The following MOCOS variants were observed in gnomAD, a reference collection of about 807,000 sequenced individuals.
The protein encoded by MOCOS is human molybdenum cofactor sulfurase.
MOCOS carries 86 observed loss-of-function variants against 83.6 expected under a neutral mutation model. The ratio of observed to expected loss-of-function variants is 1.03; its 90% CI spans 0.86 to 1.23. The LOEUF (loss-of-function observed/expected upper bound fraction) is 1.23, where lower values mean the gene tolerates loss of function less well. Ranked by LOEUF, MOCOS falls within the 50% of genes most tolerant of loss-of-function variation. The pLI is 0.00. For synonymous variants in MOCOS, 445 were observed against 434.7 expected, an observed-to-expected ratio of 1.02 and a Z score of -0.29; for missense variants, 1,120 against 1,126.9, an observed-to-expected ratio of 0.99 and a Z score of 0.09.
At position 36,271,640 on chromosome 18, in the gene MOCOS, A is replaced by C. The variant is rs1474412408; in HGVS notation, c.*2955A>C. ...AAACCTTGGTGTTAGAGTCACAAAAAGTCCTTTTTTAAAAAAACTTGGTGA... is the reference window on the plus strand; with the variant it reads ...AAACCTTGGTGTTAGAGTCACAAAACGTCCTTTTTTAAAAAAACTTGGTGA... On this transcript the variant is annotated 3_prime_UTR_variant, in exon 15 of 15. Coordinates refer to ENST00000261326, the MANE Select transcript of MOCOS (RefSeq NM_017947.4). 6.6e-6 allele frequency: 1 copy of C among 152,180 alleles called. No homozygotes were observed. The highest frequency in any genetic ancestry group is 1.5e-5 in the Non-Finnish European group (1 of 68,030). 9.4% of individuals were successfully genotyped at this position (152,180 alleles called of 1,614,324 possible).
intron 7 of MOCOS, among the ~76,000 whole-genome samples, chr18:36,213,685 T>G (rs1001825132): frequency 6.6e-6 from 1 of 152,102 alleles, no homozygotes; most frequent in African/African-American, 2.4e-5. Flanking sequence ...TCCCAGCACT[T>G]TGGGAGGCCG....
Position 36,260,162 on chromosome 18 carries a change from C to T in MOCOS, c.2396C>T (p.Ser799Phe), listed in dbSNP as rs1323190068. 2 of 1,614,024 alleles carry T rather than the reference C, an allele frequency of 1.2e-6. No homozygotes were observed. The highest frequency in any genetic ancestry group is 1.3e-5 in the African/African-American group (1 of 74,918). Residue 799 changes from serine to phenylalanine, a missense_variant, in exon 13 of 15, where the codon TCT becomes TTT. By Grantham distance (155) the Ser-to-Phe change is radical (BLOSUM62 -2). Coordinates refer to ENST00000261326, the MANE Select transcript of MOCOS (RefSeq NM_017947.4). ...AAATGGGATGAGATTTCAATTGGCT[C>T]TTTGCGTTTCCAGGTAAGTTTGGGG... ...EEKWDEISIG[S>F]LRFQVLGPCH...
At chr18:36,254,458 CTGTGTGTGTGTGTGTG>C (rs60813321) in intron 11 of MOCOS, among the ~76,000 whole-genome samples, 12 of 138,952 alleles carry the variant, frequency 8.6e-5, no homozygotes, top group South Asian at 2.5e-4. Flanking sequence ...TACATTATCT[CTGTGTGTGTGTGTGTG>C]TGTGTGTGTG....
intron 12 of MOCOS, among the ~76,000 whole-genome samples, chr18:36,258,340 C>T (rs2091650287): frequency 6.6e-6 from 1 of 152,162 alleles, no homozygotes; most frequent in African/African-American, 2.4e-5. Flanking sequence ...CACATGTTAA[C>T]CATGATAGCT....
intron 13 of MOCOS, among the ~76,000 whole-genome samples, chr18:36,264,313 G>T (rs1044254379): frequency 2.0e-5 from 3 of 152,132 alleles, no homozygotes; most frequent in Non-Finnish European, 4.4e-5. Context: ...CTGTCGGGTG[G>T]CTGCTAGAGG....
At chr18:36,254,923 G>A (rs777025776) in intron 11 of MOCOS, among the ~76,000 whole-genome samples, 3 of 151,696 alleles carry the variant, frequency 2.0e-5, no homozygotes, top group East Asian at 3.9e-4. Context: ...ATGGGGTTTC[G>A]CCATGTTGCC....
intron 10 of MOCOS, among the ~76,000 whole-genome samples, chr18:36,250,879 C>G (rs1428505223): frequency 6.6e-6 from 1 of 152,106 alleles, no homozygotes; most frequent in African/African-American, 2.4e-5. Flanking sequence ...TCTAAGCATT[C>G]TAAGCTTTGT....
chr18:36,194,887 G>A (rs1195228837), intron 1 of MOCOS, among the ~76,000 whole-genome samples: 2 of 152,234 alleles, frequency 1.3e-5, no homozygotes, highest in African/African-American at 2.4e-5. Context: ...AGTAGGATCA[G>A]GGCTCTCCCC....
chr18:36,216,042 G>A, intron 8 of MOCOS, 65 bp downstream of exon 8: 1 of 1,464,398 alleles, frequency 6.8e-7, no homozygotes, highest in South Asian at 1.2e-5. Flanking sequence ...TTTTGATAAA[G>A]TGAAGAAAAG....
At chr18:36,253,612 G>A (rs1219504273) in intron 11 of MOCOS, among the ~76,000 whole-genome samples, 3 of 151,522 alleles carry the variant, frequency 2.0e-5, no homozygotes, top group Non-Finnish European at 4.4e-5. Context: ...GTTGCAGTGA[G>A]CCAAGACCAC....
chr18:36,193,725 CAA>C (rs1343824911), intron 1 of MOCOS, among the ~76,000 whole-genome samples: 1 of 152,086 alleles, frequency 6.6e-6, no homozygotes, highest in Non-Finnish European at 1.5e-5. Flanking sequence ...CATAAATAGA[CAA>C]ATTGGATTTT....
At chr18:36,193,878 A>G (rs2091376406) in intron 1 of MOCOS, among the ~76,000 whole-genome samples, 1 of 152,272 alleles carries the variant, frequency 6.6e-6, no homozygotes, top group Non-Finnish European at 1.5e-5. Context: ...AATACACAAA[A>G]GTGGAAACAA....
chr18:36,204,319 T>G (rs1484288817), intron 5 of MOCOS, among the ~76,000 whole-genome samples: 1 of 152,218 alleles, frequency 6.6e-6, no homozygotes, highest in Non-Finnish European at 1.5e-5. Flanking sequence ...AGTAGAATCA[T>G]ACGACATTTG....
At chr18:36,212,753 C>T (rs1044940066) in intron 6 of MOCOS, among the ~76,000 whole-genome samples, 10 of 152,154 alleles carry the variant, frequency 6.6e-5, no homozygotes, top group Non-Finnish European at 1.0e-4. Context: ...GAGAAAAATT[C>T]AAAGGCTCAC....
At chr18:36,259,970 AATT>A (rs2091657476) in intron 12 of MOCOS, 64 bp from the exon 13 acceptor site, 1 of 1,595,866 alleles carries the variant, frequency 6.3e-7, no homozygotes, top group Admixed American at 1.7e-5. Context: ...AGGCATGATG[AATT>A]ATTATAGTGG....
intron 12 of MOCOS, among the ~76,000 whole-genome samples, chr18:36,258,750 ACGGCTATG>A: frequency 6.6e-6 from 1 of 152,358 alleles, no homozygotes; most frequent in Non-Finnish European, 1.5e-5. Flanking sequence ...ACAGATGTAT[ACGGCTATG>A]CTCCATCATT....
chr18:36,189,889 C>G (rs2091358212), intron 1 of MOCOS: 1 of 152,172 alleles, frequency 6.6e-6, no homozygotes, highest in Non-Finnish European at 1.5e-5. Flanking sequence ...AACCTTTGTC[C>G]CATCTGCAGA....
intron 6 of MOCOS, among the ~76,000 whole-genome samples, chr18:36,212,624 T>C (rs1454759402): frequency 2.6e-5 from 4 of 152,104 alleles, no homozygotes; most frequent in Non-Finnish European, 5.9e-5. Context: ...CCAGAGGAGA[T>C]GGCCAAAGTG....
Position 36,268,764 on chromosome 18 carries a change from T to C in MOCOS, c.*79T>C. On this transcript the variant is annotated 3_prime_UTR_variant, in exon 15 of 15. Transcript: ENST00000261326. ...GATCTGCAACTTGGTTCAGTAGAAC[T>C]TGATGTTTTGAATAAGGAGAGCTCT... 1 of 1,218,920 alleles carries C rather than the reference T, an allele frequency of 8.2e-7. No individual in the cohort carries two copies. The highest frequency in any genetic ancestry group is 1.2e-6 in the Non-Finnish European group (1 of 834,374). The allele number at this position is 1,218,920 out of a possible 1,614,324, so 75.5% of individuals were successfully genotyped here.
Sources: gnomAD v4.1 joint callset for allele counts (sites outside exome capture counted in the v4.1 genomes callset) on GRCh38, gnomAD v4.1.1 for gene constraint, MANE v1.5 for transcripts, NCBI Gene and HGNC (gene_info 2026-07-23, HGNC 2026-07-21) for gene names.